The following TAF4B variants were observed in gnomAD, a reference collection of about 807,000 sequenced individuals.
TAF4B encodes transcription initiation factor TFIID subunit 4B.
TAF4B carries 38 observed loss-of-function variants against 86.4 expected under a neutral mutation model. The ratio of observed to expected loss-of-function variants is 0.44; its 90% CI spans 0.34 to 0.58. TAF4B has a LOEUF of 0.58. Among genes scored for constraint, TAF4B ranks in the 20% least tolerant of loss-of-function variants. TAF4B has a pLI of 0.02. For missense variants in TAF4B, 988 were observed against 1,027.6 expected (o/e 0.96, Z 0.53); for synonymous variants, 388 against 391.2 (o/e 0.99, Z 0.10).
intron 14 of TAF4B, among the ~76,000 whole-genome samples, chr18:26,365,067 C>T (rs1355465242): frequency 7.4e-6 from 1 of 134,876 alleles, no homozygotes; most frequent in Non-Finnish European, 1.5e-5. Flanking sequence ...AGTGCAGTGT[C>T]GTAATCTCGG....
At chr18:26,259,454 C>A (rs1426682565) in intron 1 of TAF4B, among the ~76,000 whole-genome samples, 1 of 151,198 alleles carries the variant, frequency 6.6e-6, no homozygotes, top group African/African-American at 2.4e-5. Flanking sequence ...CCGCGACAGG[C>A]CCCAGTGTGT....
At chr18:26,275,629 A>G (rs1044148767) in intron 5 of TAF4B, among the ~76,000 whole-genome samples, 1 of 152,152 alleles carries the variant, frequency 6.6e-6, no homozygotes, top group Admixed American at 6.5e-5. Context: ...TGATATATAT[A>G]TTATTTCTGT....
intron 1 of TAF4B, among the ~76,000 whole-genome samples, chr18:26,239,890 A>T (rs535871948): frequency 1.4e-4 from 21 of 152,210 alleles, no homozygotes; most frequent in African/African-American, 4.8e-4. Flanking sequence ...CAGAGATCAG[A>T]TGGTTGTAGA....
chr18:26,255,700 A>C lies in TAF4B; in HGVS notation c.344-9470A>C, dbSNP rs1235969120. Reference sequence around the variant, plus strand: ...CTTCTACATAAAAACCTCAGTCACCACTCCTGAGTGGAGATGGGCAGAGGC... The same window carrying C: ...CTTCTACATAAAAACCTCAGTCACCCCTCCTGAGTGGAGATGGGCAGAGGC... On this transcript the variant is annotated intron_variant, in intron 1 of 14. Coordinates refer to ENST00000269142, the MANE Select transcript of TAF4B (RefSeq NM_005640.3). 7 of 1,563,652 alleles carry C rather than the reference A, an allele frequency of 4.5e-6. No individual in the cohort carries two copies. The African/African-American group carries it at 8.4e-5, about 19-fold the overall frequency.
Position 26,227,058 on chromosome 18 carries a change from TG to T in TAF4B, c.128del (p.Gly43AlafsTer3), listed in dbSNP as rs1405265959. 1.3e-6 allele frequency: 2 copies of T among 1,591,856 alleles called. No individual in the cohort carries two copies. Among genetic ancestry groups the T allele is most frequent in the African/African-American group, 1.4e-5 (1 of 73,610 alleles). On this transcript the variant is annotated frameshift_variant, in exon 1 of 15. Transcript: ENST00000269142. Reference sequence around the variant, plus strand: ...CGGGTGGAGAGCACTCCGGTGGCCCTGGGCGCCGTGACTAAGGCTCCTGTCA... The same window carrying T: ...CGGGTGGAGAGCACTCCGGTGGCCCTGGCGCCGTGACTAAGGCTCCTGTCA... ...PVRVESTPVALGAVTKAPVSV... is the reference protein window; with the variant it reads ...PVRVESTPVAXGAVTKAPVSV...
chr18:26,299,253 C>A (rs187164453), intron 9 of TAF4B, among the ~76,000 whole-genome samples: 1 of 152,188 alleles, frequency 6.6e-6, no homozygotes, highest in Non-Finnish European at 1.5e-5. Flanking sequence ...AAAGTATAGT[C>A]TTCCTATTGC....
chr18:26,390,343 C>T lies in TAF4B; in HGVS notation c.*331C>T, dbSNP rs1456972103. ...AATTGTAGCAGGTGAGGTGTCCTTC[C>T]CTAATACAGCATGCATTGAGATGCA... On this transcript the variant is annotated 3_prime_UTR_variant, in exon 15 of 15. Coordinates refer to ENST00000269142, the MANE Select transcript of TAF4B (RefSeq NM_005640.3). 1 of 205,862 alleles carries T rather than the reference C, an allele frequency of 4.9e-6. No homozygotes were observed. The highest frequency in any genetic ancestry group is 9.6e-6 in the Non-Finnish European group (1 of 103,974). The allele number at this position is 205,862 out of a possible 1,614,324, so 12.8% of individuals were successfully genotyped here.
At chr18:26,361,435 T>TCC (rs1231121387) in intron 14 of TAF4B, among the ~76,000 whole-genome samples, 7 of 151,558 alleles carry the variant, frequency 4.6e-5, no homozygotes, top group Non-Finnish European at 8.8e-5. Flanking sequence ...CAAATCTTAA[T>TCC]ATAATATGTT....
At chr18:26,304,108 A>T (rs1437759569) in intron 9 of TAF4B, among the ~76,000 whole-genome samples, 2 of 150,356 alleles carry the variant, frequency 1.3e-5, no homozygotes, top group Non-Finnish European at 3.0e-5. Context: ...TAATTTCTAG[A>T]TGATTTTAGA....
chr18:26,303,948 T>A (rs1568140971), intron 9 of TAF4B, among the ~76,000 whole-genome samples: 1 of 152,160 alleles, frequency 6.6e-6, no homozygotes, highest in East Asian at 1.9e-4. Flanking sequence ...TCTGCATGAT[T>A]TGTTGCATTT....
At chr18:26,339,624 G>A (rs2057121041) in intron 13 of TAF4B, among the ~76,000 whole-genome samples, 2 of 151,456 alleles carry the variant, frequency 1.3e-5, no homozygotes, top group South Asian at 4.2e-4. Flanking sequence ...ACTGTGGCCC[G>A]CTGAATTGTT....
At chr18:26,250,231 C>T (rs28621705) in intron 1 of TAF4B, among the ~76,000 whole-genome samples, 11,827 of 152,158 alleles carry the variant, frequency 0.078, 1,411 homozygotes, top group African/African-American at 0.26. Flanking sequence ...GGCGCGGTGG[C>T]TCACGCCTCC....
At chr18:26,315,106 C>CTCTCTG (rs1282819748) in intron 9 of TAF4B, 123 bp from the exon 10 acceptor site, 1 of 201,056 alleles carries the variant, frequency 5.0e-6, no homozygotes, top group East Asian at 7.6e-5. Context: ...CTCTCTCTCT[C>CTCTCTG]TCTCTCTCTC....
chr18:26,374,832 A>G (rs562505743), intron 14 of TAF4B, among the ~76,000 whole-genome samples: 2 of 152,262 alleles, frequency 1.3e-5, no homozygotes, highest in East Asian at 3.9e-4. Context: ...AATTCCATGG[A>G]ATATTGAAGG....
chr18:26,269,626 A>G, intron 3 of TAF4B, among the ~76,000 whole-genome samples: 1 of 152,204 alleles, frequency 6.6e-6, no homozygotes, highest in East Asian at 1.9e-4. Flanking sequence ...AGAAATGATG[A>G]GCAGTGAATC....
In TAF4B at chr18:26,286,340, A is replaced by G; in HGVS notation, c.1431A>G (p.Ala477=). The G allele has an allele frequency of 6.2e-7, 1 of 1,614,232 alleles. No individual in the cohort carries two copies. Among genetic ancestry groups the G allele is most frequent in the Non-Finnish European group, 8.5e-7 (1 of 1,180,030 alleles). ...TAACTTTTGGAGAAACTTCAGGTGC[A>G]GCTATTTGTCTTCCATCTGTGAAAC... is the stretch of plus-strand genomic sequence containing the variant. ...PAVTFGETSG[A]AICLPSVKPV... The change falls in exon 7 of 15, where the codon GCA becomes GCG. Residue 477 remains alanine (A), a synonymous_variant. Coordinates refer to ENST00000269142, the MANE Select transcript of TAF4B (RefSeq NM_005640.3).
intron 12 of TAF4B, among the ~76,000 whole-genome samples, chr18:26,328,475 C>CA (rs910739468): frequency 6.6e-6 from 1 of 151,796 alleles, no homozygotes; most frequent in Admixed American, 6.6e-5. Context: ...AAAAACAAAA[C>CA]AAAAAAACTC....
chr18:26,342,964 A>C (rs2057147792), intron 13 of TAF4B, among the ~76,000 whole-genome samples: 1 of 152,236 alleles, frequency 6.6e-6, no homozygotes, highest in Non-Finnish European at 1.5e-5. Flanking sequence ...GCTATTAAAG[A>C]GTTCCAGTTA....
chr18:26,259,422 A>G (rs993723464), intron 1 of TAF4B, among the ~76,000 whole-genome samples: 3 of 151,518 alleles, frequency 2.0e-5, no homozygotes, highest in Non-Finnish European at 4.4e-5. Flanking sequence ...CTCCTAATGC[A>G]TCCCTCCCCC....
Sources: allele counts gnomAD v4.1 joint callset (sites outside exome capture counted in the v4.1 genomes callset), GRCh38; gene constraint gnomAD v4.1.1; transcripts MANE v1.5; gene names NCBI Gene and HGNC (gene_info 2026-07-23, HGNC 2026-07-21).